Variants in N4BP2 observed in about 807,000 individuals in gnomAD.
N4BP2 encodes the protein NEDD4 binding protein 2.
Under a neutral mutation model 152.8 loss-of-function variants are expected in N4BP2, and 91 were observed. The ratio of observed to expected loss-of-function variants is 0.60; its 90% CI spans 0.50 to 0.71. The LOEUF is 0.71. N4BP2 is among the 30% of genes least tolerant of loss of function. The pLI, the probability that N4BP2 is intolerant of heterozygous loss-of-function variation, is 0.00. For synonymous variants in N4BP2, 646 were observed against 705.3 expected, an observed-to-expected ratio of 0.92 and a Z score of 1.33; for missense variants, 1,923 against 2,059.1, an observed-to-expected ratio of 0.93 and a Z score of 1.28.
At chr4:40,183,443 C>T in the N4BP2 span, among the ~76,000 whole-genome samples, 1 of 151,346 alleles carries the variant, frequency 6.6e-6, no homozygotes, top group African/African-American at 2.4e-5. Context: ...TTACGCCATT[C>T]TCCTGCCTCA....
chr4:40,101,589 C>T (rs780929416), intron 3 of N4BP2, among the ~76,000 whole-genome samples: 18 of 152,026 alleles, frequency 1.2e-4, no homozygotes, highest in Non-Finnish European at 1.9e-4. Flanking sequence ...TTCTGATATG[C>T]AGTACATGCT....
rs563490959 is a variant in N4BP2, at chr4:40,120,577, T to G, written c.2466T>G (p.Pro822=). The G allele has an allele frequency of 6.2e-7, 1 of 1,613,986 alleles. No homozygotes were observed. The highest frequency in any genetic ancestry group is 8.5e-7 in the Non-Finnish European group (1 of 1,180,030). ...AAAGCGACAAAAAGTATAATTACCC[T>G]CAGTCACACAAATTAGTTAACAGTG... ...SVQSDKKYNY[P]QSHKLVNSVS... Residue 822 remains proline, a synonymous_variant, in exon 9 of 18, where the codon CCT becomes CCG. Transcript: ENST00000261435.
chr4:40,144,738 A>G lies in N4BP2; in HGVS notation c.5081A>G (p.His1694Arg). 3.1e-6 allele frequency: 5 copies of G among 1,614,124 alleles called. No homozygotes were observed. Among genetic ancestry groups the G allele is most frequent in the Non-Finnish European group, 4.2e-6 (5 of 1,179,988 alleles). The change falls in exon 16 of 18, where the codon CAT (histidine) becomes CGT (arginine). Residue 1694 changes from histidine (H) to arginine (R), a missense_variant. By Grantham distance (29) the His-to-Arg change is conservative. Coordinates refer to ENST00000261435, the MANE Select transcript of N4BP2 (RefSeq NM_018177.6). Reference protein sequence around the residue: ...SLLPQNVLDLHGLHVDEALEH... With the variant: ...SLLPQNVLDLRGLHVDEALEH... Reference sequence around the variant, plus strand: ...CTGCCACAGAATGTTTTAGACCTCCATGGGCTGCATGTGGATGAAGCTCTA... The same window carrying G: ...CTGCCACAGAATGTTTTAGACCTCCGTGGGCTGCATGTGGATGAAGCTCTA...
intron 2 of N4BP2, among the ~76,000 whole-genome samples, chr4:40,076,965 G>A (rs1490991150): frequency 6.6e-6 from 1 of 152,086 alleles, no homozygotes; most frequent in Non-Finnish European, 1.5e-5. Flanking sequence ...TGCTGATCGT[G>A]TTTGGGAACA....
intron 2 of N4BP2, among the ~76,000 whole-genome samples, chr4:40,081,882 G>A (rs1713402847): frequency 6.6e-6 from 1 of 151,994 alleles, no homozygotes; most frequent in South Asian, 2.1e-4. Flanking sequence ...AGAGGCCAAG[G>A]TGGGTGGATC....
intron 1 of N4BP2, among the ~76,000 whole-genome samples, chr4:40,061,664 G>A (rs1193923354): frequency 4.1e-5 from 6 of 147,996 alleles, no homozygotes; most frequent in East Asian, 2.0e-4. Flanking sequence ...TGTGTCTGGC[G>A]TATTTTATTT....
rs1293206472 is a variant in N4BP2 at position 40,154,050 on chromosome 4, CT to C, written c.5268-140del. The C allele has an allele frequency of 2.7e-5, 16 of 595,836 alleles. No homozygotes were observed. In the Admixed American group the frequency reaches 4.0e-4, roughly 15 times the overall value. 36.9% of individuals were successfully genotyped at this position (595,836 alleles called of 1,614,324 possible). A position where few individuals can be genotyped will look rare whatever the true frequency, so the allele number is the denominator to read the frequency against. On this transcript the variant is annotated intron_variant, in intron 17 of 17. Coordinates refer to ENST00000261435, the MANE Select transcript of N4BP2 (RefSeq NM_018177.6). ...AAGGAACACAAACCTAGATGTTGGT[CT>C]TGGATATTGACTTAATAAGGGTCAA...
the N4BP2 span, among the ~76,000 whole-genome samples, chr4:40,175,482 G>A: frequency 6.6e-6 from 1 of 152,154 alleles, no homozygotes; most frequent in Non-Finnish European, 1.5e-5. Context: ...GAGATCTGAT[G>A]CAAAACATGA....
At chr4:40,183,357 A>C in the N4BP2 span, among the ~76,000 whole-genome samples, 2 of 137,612 alleles carry the variant, frequency 1.5e-5, no homozygotes, top group African/African-American at 5.5e-5. Flanking sequence ...TTTTTTTGAG[A>C]CGGCGTCTGG....
At position 40,097,479 on chromosome 4, in the gene N4BP2, C is replaced by G. The variant is rs752092694; in HGVS notation, c.139C>G (p.Gln47Glu). The G allele has an allele frequency of 6.2e-7, 1 of 1,613,948 alleles. No individual in the cohort carries two copies. The highest frequency in any genetic ancestry group is 8.5e-7 in the Non-Finnish European group (1 of 1,179,866). Residue 47 changes from glutamine (Q) to glutamate (E), a missense_variant, in exon 3 of 18, where the codon CAG (glutamine) becomes GAG (glutamate). Gln to Glu is a conservative substitution (Grantham distance 29). Transcript: ENST00000261435. The stretch of plus-strand genomic sequence containing the variant: ...TTCCATGGGTGAGACAAAAGTTGAT[C>G]AGGAAGAACTCTTCACCAGTATCTC... ...LPSMGETKVDQEELFTSISEI... is the reference protein window; with the variant it reads ...LPSMGETKVDEEELFTSISEI...
downstream of N4BP2, among the ~76,000 whole-genome samples, chr4:40,158,788 C>G (rs1238954853): frequency 7.2e-5 from 11 of 151,978 alleles, no homozygotes; most frequent in Admixed American, 7.2e-4. Context: ...AAAAGAATCT[C>G]TTAGAGACTC....
intron 1 of N4BP2, among the ~76,000 whole-genome samples, chr4:40,072,312 C>G (rs994337853): frequency 7.1e-6 from 1 of 140,006 alleles, no homozygotes; most frequent in African/African-American, 2.7e-5. Flanking sequence ...GTGGCGTGAT[C>G]TTGGCTCACT....
At chr4:40,119,055 A>G (rs1167686005) in intron 8 of N4BP2, among the ~76,000 whole-genome samples, 2 of 152,224 alleles carry the variant, frequency 1.3e-5, no homozygotes, top group African/African-American at 4.8e-5. Flanking sequence ...CTCTTGAGCT[A>G]TATTTCCTGG....
At chr4:40,123,919 A>G (rs1211651227) in intron 10 of N4BP2, among the ~76,000 whole-genome samples, 2 of 113,736 alleles carry the variant, frequency 1.8e-5, no homozygotes, top group African/African-American at 5.1e-5. Flanking sequence ...ATTCTTCATA[A>G]CAAGAAATTT....
chr4:40,190,335 G>A, the N4BP2 span, among the ~76,000 whole-genome samples: 1 of 152,226 alleles, frequency 6.6e-6, no homozygotes, highest in Non-Finnish European at 1.5e-5. Flanking sequence ...GGGGCAACCA[G>A]ATGGCTTCAG....
chr4:40,075,874 T>G (rs975576333), intron 2 of N4BP2, among the ~76,000 whole-genome samples: 6 of 152,230 alleles, frequency 3.9e-5, no homozygotes, highest in African/African-American at 1.4e-4. Flanking sequence ...TTGCCCAGGC[T>G]GGAGTGCAGT....
At chr4:40,158,939 C>A (rs908225522), downstream of N4BP2, among the ~76,000 whole-genome samples, 1 of 152,094 alleles carries the variant, frequency 6.6e-6, no homozygotes, top group African/African-American at 2.4e-5. Context: ...AGGGTAAATG[C>A]GATAGAGCTT....
the N4BP2 span, among the ~76,000 whole-genome samples, chr4:40,166,281 T>G: frequency 6.6e-6 from 1 of 152,236 alleles, no homozygotes; most frequent in Non-Finnish European, 1.5e-5. Context: ...AACAGCAGGC[T>G]ATCTGGCGGG....
intron 5 of N4BP2, among the ~76,000 whole-genome samples, chr4:40,110,890 G>A (rs1272078621): frequency 6.6e-6 from 1 of 152,144 alleles, no homozygotes; most frequent in Non-Finnish European, 1.5e-5. Flanking sequence ...TGAGTTGTTA[G>A]AGACTGGGCA....
Sources: gnomAD v4.1 joint callset for allele counts (sites outside exome capture counted in the v4.1 genomes callset) on GRCh38, gnomAD v4.1.1 for gene constraint, MANE v1.5 for transcripts, NCBI Gene and HGNC (gene_info 2026-07-23, HGNC 2026-07-21) for gene names.